SEC63: variants seen among roughly 807,000 people sequenced by gnomAD.
SEC63 encodes translocation protein SEC63 homolog.
Under a neutral mutation model 116.2 loss-of-function variants are expected in SEC63, and 56 were observed. The ratio of observed to expected loss-of-function variants is 0.48; its 90% CI spans 0.39 to 0.60. The LOEUF is 0.60. Among genes scored for constraint, SEC63 ranks in the 20% least tolerant of loss-of-function variants. The probability of loss-of-function intolerance (pLI) is 0.00; values close to 1 mark genes in which losing one functional copy is unlikely to be tolerated. For synonymous variants in SEC63, 273 were observed against 294.6 expected (o/e 0.93, Z 0.75); for missense variants, 668 against 900.0 (o/e 0.74, Z 3.30).
At chr6:107,902,304 TTATC>T (rs10598106) in intron 12 of SEC63, among the ~76,000 whole-genome samples, 6,664 of 152,214 alleles carry the variant, frequency 0.044, 445 homozygotes, top group African/African-American at 0.15. Flanking sequence ...TCTGCTAGTT[TTATC>T]TATCATATAC....
At chr6:107,940,659 G>A (rs376296779) in intron 1 of SEC63, among the ~76,000 whole-genome samples, 1 of 151,762 alleles carries the variant, frequency 6.6e-6, no homozygotes, top group Non-Finnish European at 1.5e-5. Context: ...AGCTACAGAC[G>A]GTACATGAAA....
intron 1 of SEC63, among the ~76,000 whole-genome samples, chr6:107,942,736 C>G (rs565593248): frequency 6.6e-6 from 1 of 152,194 alleles, no homozygotes; most frequent in African/African-American, 2.4e-5. Flanking sequence ...ATAACATACA[C>G]AGTTGATTAA....
intron 16 of SEC63, among the ~76,000 whole-genome samples, chr6:107,887,730 C>T (rs192417628): frequency 2.8e-4 from 42 of 152,206 alleles, no homozygotes; most frequent in African/African-American, 9.9e-4. Flanking sequence ...CACATGTACC[C>T]TAAAACTTAA....
At chr6:107,888,003 GCA>G (rs1481665312) in intron 16 of SEC63, among the ~76,000 whole-genome samples, 1 of 152,134 alleles carries the variant, frequency 6.6e-6, no homozygotes, top group Non-Finnish European at 1.5e-5. Context: ...TAGCCTTGTA[GCA>G]CAGTTTGAAG....
intron 4 of SEC63, among the ~76,000 whole-genome samples, chr6:107,920,425 CAAAAAAAAAAAAA>C (rs34816965): frequency 9.5e-5 from 7 of 73,432 alleles, no homozygotes; most frequent in East Asian, 5.1e-4. Flanking sequence ...GACTCCGTCT[CAAAAAAAAAAAAA>C]AAAAAAAAAA....
intron 13 of SEC63, among the ~76,000 whole-genome samples, chr6:107,900,135 CTT>C (rs1350111403): frequency 3.3e-5 from 5 of 152,012 alleles, no homozygotes; most frequent in African/African-American, 1.2e-4. Context: ...CACGTTAACA[CTT>C]AGCATATGTT....
intron 13 of SEC63, among the ~76,000 whole-genome samples, chr6:107,900,724 A>G (rs1280037808): frequency 6.6e-6 from 1 of 152,208 alleles, no homozygotes; most frequent in Non-Finnish European, 1.5e-5. Context: ...TAACTAAAAG[A>G]ATGTTCTCAT....
intron 1 of SEC63, among the ~76,000 whole-genome samples, chr6:107,941,738 A>C (rs1263010526): frequency 1.3e-5 from 2 of 152,240 alleles, no homozygotes; most frequent in African/African-American, 2.4e-5. Flanking sequence ...CTGACTTCCC[A>C]AGGAATGAGC....
intron 18 of SEC63, 43 bp downstream of exon 18, chr6:107,881,106 A>G: frequency 7.4e-7 from 1 of 1,343,668 alleles, no homozygotes; most frequent in South Asian, 1.2e-5. Context: ...CCTGAGGAGA[A>G]AGTGAATGGA....
intron 7 of SEC63, 56 bp from the exon 8 acceptor site, chr6:107,909,091 G>A (rs1787219164): frequency 8.4e-7 from 1 of 1,185,546 alleles, no homozygotes; most frequent in South Asian, 1.3e-5. Flanking sequence ...CGATAGGCTG[G>A]GCGAGATGGC....
intron 19 of SEC63, among the ~76,000 whole-genome samples, chr6:107,876,280 AGAG>A (rs1306255785): frequency 6.6e-6 from 1 of 152,194 alleles, no homozygotes; most frequent in Non-Finnish European, 1.5e-5. Context: ...TAAATTCTGG[AGAG>A]GAGGAGGAAA....
chr6:107,924,773 A>G (rs1460214597), intron 3 of SEC63, 45 bp downstream of exon 3: 1 of 903,348 alleles, frequency 1.1e-6, no homozygotes, highest in South Asian at 1.3e-5. Context: ...TAGCATTTTC[A>G]TGGGACCATT....
chr6:107,876,633 A>T lies in SEC63; in HGVS notation c.1965T>A (p.Ile655=). The T allele has an allele frequency of 2.5e-6, 4 of 1,583,584 alleles. No individual in the cohort carries two copies. Among genetic ancestry groups the T allele is most frequent in the Non-Finnish European group, 3.4e-6 (4 of 1,162,580 alleles). Residue 655 remains isoleucine (I), a synonymous_variant, in exon 19 of 21, where the codon ATT becomes ATA. Coordinates refer to ENST00000369002, the MANE Select transcript of SEC63 (RefSeq NM_007214.5). ...EEKQEWWWLY[I]ADRKEQTLIS... is the part of the protein sequence containing the mutation. ...TTAATGTCTGCTCCTTCCTATCTGC[A>T]ATGTAAAGCCACCACCATTCTTGTT...
At chr6:107,921,612 G>A (rs534026428) in intron 4 of SEC63, among the ~76,000 whole-genome samples, 185 bp downstream of exon 4, 2 of 151,914 alleles carry the variant, frequency 1.3e-5, no homozygotes, top group East Asian at 1.9e-4. Context: ...CCACCACACA[G>A]GGTTAATTCT....
intron 1 of SEC63, among the ~76,000 whole-genome samples, chr6:107,941,320 G>C (rs1355838700): frequency 2.0e-5 from 3 of 151,802 alleles, no homozygotes; most frequent in Non-Finnish European, 4.4e-5. Flanking sequence ...GGGTGTGGTG[G>C]CACACACACC....
chr6:107,887,365 T>G lies in SEC63; in HGVS notation c.1675-4219A>C, dbSNP rs1173053800. 2.8e-5 allele frequency among the ~76,000 whole-genome samples: 4 copies of G among 142,620 alleles called. No individual in the cohort carries two copies. In the East Asian group the frequency reaches 7.9e-4, roughly 28 times the overall value. 93.6% of individuals were successfully genotyped at this position (142,620 alleles called of 152,430 possible). On this transcript the variant is annotated intron_variant, in intron 16 of 20. Coordinates refer to ENST00000369002, the MANE Select transcript of SEC63 (RefSeq NM_007214.5). ...AACCAACCCAAATGTCCAACAATGA[T>G]AGACTGGATTAAGAAAATGTGGCAC... is the stretch of plus-strand genomic sequence containing the variant.
intron 19 of SEC63, among the ~76,000 whole-genome samples, chr6:107,873,161 C>A (rs2114388428): frequency 6.6e-6 from 1 of 152,260 alleles, no homozygotes; most frequent in South Asian, 2.1e-4. Flanking sequence ...TGTCTCTCCA[C>A]AATTCAAGAA....
Position 107,889,203 on chromosome 6 carries a change from G to A in SEC63, c.1674+4279C>T, listed in dbSNP as rs143811851. On this transcript the variant is annotated intron_variant, in intron 16 of 20. Coordinates refer to ENST00000369002, the MANE Select transcript of SEC63 (RefSeq NM_007214.5). ...TTTGTAGCTCTGGTAGAATTTGGCC[G>A]TGAAACCATCTGGTCCTGGACTTTT... Among the ~76,000 whole-genome samples, 117 of 152,266 alleles carry A rather than the reference G, an allele frequency of 7.7e-4. No individual in the cohort carries two copies. The East Asian group carries it at 0.016, about 21-fold the overall frequency.
intron 1 of SEC63, among the ~76,000 whole-genome samples, chr6:107,942,343 G>A (rs1770395103): frequency 6.6e-6 from 1 of 152,150 alleles, no homozygotes; most frequent in African/African-American, 2.4e-5. Context: ...TGATTCCTCT[G>A]TACTGAAGTT....
Sources: gnomAD v4.1 joint callset for allele counts (sites outside exome capture counted in the v4.1 genomes callset) on GRCh38, gnomAD v4.1.1 for gene constraint, MANE v1.5 for transcripts, NCBI Gene and HGNC (gene_info 2026-07-23, HGNC 2026-07-21) for gene names.